The following TNS3 variants were observed in gnomAD, a reference collection of about 807,000 sequenced individuals.
TNS3 encodes the protein tensin 3, also known as tensin-3.
TNS3 carries 45 observed loss-of-function variants against 140.9 expected under a neutral mutation model. The ratio of observed to expected loss-of-function variants is 0.32; its 90% CI spans 0.25 to 0.41. TNS3 has a LOEUF of 0.41. Ranked by LOEUF, TNS3 falls within the 10% of genes least tolerant of loss-of-function variation. TNS3 has a pLI of 1.00. For missense variants in TNS3, 1,716 were observed against 1,906.7 expected (o/e 0.90, Z 1.86); for synonymous variants, 815 against 788.4 (o/e 1.03, Z -0.56).
chr7:47,378,589 C>T (rs1360070594), intron 16 of TNS3, among the ~76,000 whole-genome samples: 2 of 152,180 alleles, frequency 1.3e-5, no homozygotes, highest in Admixed American at 6.5e-5. Flanking sequence ...GCAAAAGCAG[C>T]AGTAATAAGC....
intron 3 of TNS3, among the ~76,000 whole-genome samples, chr7:47,499,503 G>A (rs1021097734): frequency 2.0e-5 from 3 of 152,202 alleles, no homozygotes; most frequent in African/African-American, 7.2e-5. Flanking sequence ...AGGGTAAACT[G>A]TGGCACATCC....
chr7:47,428,341 G>A lies in TNS3; in HGVS notation c.360C>T (p.Ser120=). The A allele has an allele frequency of 6.9e-7, 1 of 1,454,606 alleles. No individual in the cohort carries two copies. Among genetic ancestry groups the A allele is most frequent in the Non-Finnish European group, 9.1e-7 (1 of 1,098,894 alleles). The allele number at this position is 1,454,606 out of a possible 1,614,324, so 90.1% of individuals were successfully genotyped here. A position where few individuals can be genotyped will look rare whatever the true frequency, so the allele number is the denominator to read the frequency against. The change falls in exon 9 of 31, where the codon TCC becomes TCT. Residue 120 remains serine (S), a synonymous_variant. Coordinates refer to ENST00000311160, the MANE Select transcript of TNS3 (RefSeq NM_022748.12). The stretch of plus-strand genomic sequence containing the variant: ...CTGAGACGTTGGTGAAATGCATGTA[G>A]GATGATATGACCACTCCTATGCGTC... The part of the protein sequence containing the change: ...GKGRIGVVIS[S]YMHFTNVSAS...
At chr7:47,394,254 A>C (rs910090262) in intron 16 of TNS3, among the ~76,000 whole-genome samples, 1 of 152,250 alleles carries the variant, frequency 6.6e-6, no homozygotes, top group African/African-American at 2.4e-5. Flanking sequence ...TGATGGTATT[A>C]GGAGGCAGGA....
intron 4 of TNS3, among the ~76,000 whole-genome samples, chr7:47,471,771 CT>C (rs1398092768): frequency 6.6e-6 from 1 of 152,238 alleles, no homozygotes; most frequent in African/African-American, 2.4e-5. Flanking sequence ...GTACCAGCTC[CT>C]CGCGGCCCAT....
intron 1 of TNS3, chr7:47,539,259 T>C: frequency 5.2e-6 from 2 of 384,034 alleles, no homozygotes; most frequent in South Asian, 3.8e-5. Context: ...GGCAAATGGT[T>C]GAAGGTGGCT....
At position 47,529,147 on chromosome 7, in the gene TNS3, G is replaced by A. The variant is rs1350198167; in HGVS notation, c.-264C>T. 7.9e-7 allele frequency: 1 copy of A among 1,262,474 alleles called. No individual in the cohort carries two copies. The highest frequency in any genetic ancestry group is 2.6e-5 in the Admixed American group (1 of 38,358). The allele number at this position is 1,262,474 out of a possible 1,614,324, so 78.2% of individuals were successfully genotyped here. A position where few individuals can be genotyped will look rare whatever the true frequency, so the allele number is the denominator to read the frequency against. ...TGCAGACTCGAGGTTAATTCTTCCGGCTGAAAAAGTAAAGGAAGAAATTGT... is the reference window on the plus strand; with the variant it reads ...TGCAGACTCGAGGTTAATTCTTCCGACTGAAAAAGTAAAGGAAGAAATTGT... On this transcript the variant is annotated splice_region_variant and 5_prime_UTR_variant, in exon 2 of 31. Transcript: ENST00000311160.
chr7:47,445,052 C>T (rs1795659436), intron 4 of TNS3, among the ~76,000 whole-genome samples: 1 of 152,176 alleles, frequency 6.6e-6, no homozygotes, highest in Admixed American at 6.5e-5. Context: ...AGGAGGAATT[C>T]AGCCCGTCCC....
At chr7:47,456,177 A>G (rs1296592975) in intron 4 of TNS3, among the ~76,000 whole-genome samples, 2 of 152,198 alleles carry the variant, frequency 1.3e-5, no homozygotes, top group Non-Finnish European at 2.9e-5. Context: ...CAGGCCCAAG[A>G]GCAGACAGCT....
intron 2 of TNS3, among the ~76,000 whole-genome samples, chr7:47,521,820 G>T (rs1027015170): frequency 1.3e-5 from 2 of 152,178 alleles, no homozygotes; most frequent in Non-Finnish European, 2.9e-5. Context: ...GCAGGCACAG[G>T]TTCTTCCCGC....
intron 13 of TNS3, chr7:47,405,515 G>A (rs748721823): frequency 1.4e-6 from 1 of 702,962 alleles, no homozygotes; most frequent in Admixed American, 2.0e-5. Flanking sequence ...TCTTCACTTG[G>A]AGCTGAAAAT....
chr7:47,560,362 C>T (rs1245489920), intron 1 of TNS3, among the ~76,000 whole-genome samples: 1 of 152,126 alleles, frequency 6.6e-6, no homozygotes, highest in Non-Finnish European at 1.5e-5. Flanking sequence ...CTTCCAGCCT[C>T]CAGAACTGTG....
At chr7:47,405,668 G>C (rs1247874826) in intron 13 of TNS3, 4 of 686,242 alleles carry the variant, frequency 5.8e-6, no homozygotes, top group Admixed American at 4.1e-5. Context: ...CTAAAAGGGA[G>C]AGGAAAAGGC....
At chr7:47,471,639 A>AT (rs1289990313) in intron 4 of TNS3, among the ~76,000 whole-genome samples, 2 of 152,218 alleles carry the variant, frequency 1.3e-5, no homozygotes, top group African/African-American at 2.4e-5. Context: ...TTCCACTAAC[A>AT]TCTTCTGCTG....
At chr7:47,509,334 A>G (rs1009802522) in intron 2 of TNS3, among the ~76,000 whole-genome samples, 2 of 152,216 alleles carry the variant, frequency 1.3e-5, no homozygotes, top group Non-Finnish European at 2.9e-5. Flanking sequence ...AAAGTTTTAC[A>G]AATGTTTGGA....
At chr7:47,461,409 G>T (rs944508594) in intron 4 of TNS3, among the ~76,000 whole-genome samples, 6 of 152,206 alleles carry the variant, frequency 3.9e-5, no homozygotes, top group African/African-American at 1.4e-4. Flanking sequence ...AGCTGGCTGG[G>T]CTCCACAATG....
At chr7:47,381,876 G>A (rs1791782767) in intron 16 of TNS3, among the ~76,000 whole-genome samples, 1 of 152,178 alleles carries the variant, frequency 6.6e-6, no homozygotes, top group African/African-American at 2.4e-5. Context: ...CAAATGATGT[G>A]ATCACTGCAA....
chr7:47,385,755 G>A (rs1302714736), intron 16 of TNS3, among the ~76,000 whole-genome samples: 2 of 152,204 alleles, frequency 1.3e-5, no homozygotes, highest in African/African-American at 2.4e-5. Flanking sequence ...AGCACCCATA[G>A]TGCCCATCAC....
intron 11 of TNS3, 137 bp from the exon 12 acceptor site, chr7:47,414,134 A>G (rs1409416405): frequency 2.9e-5 from 24 of 839,074 alleles, no homozygotes; most frequent in Non-Finnish European, 3.7e-5. Flanking sequence ...AAAGCAGTGC[A>G]TGGAGCCACA....
chr7:47,314,791 T>A (rs541399584), intron 20 of TNS3, among the ~76,000 whole-genome samples: 1 of 152,118 alleles, frequency 6.6e-6, no homozygotes, highest in Non-Finnish European at 1.5e-5. Flanking sequence ...CAGATGGGAT[T>A]TGCACCGTCT....
Sources: gnomAD v4.1 joint callset for allele counts (sites outside exome capture counted in the v4.1 genomes callset) on GRCh38, gnomAD v4.1.1 for gene constraint, MANE v1.5 for transcripts, NCBI Gene and HGNC (gene_info 2026-07-23, HGNC 2026-07-21) for gene names.